The following ZCWPW2 variants were observed in gnomAD, a reference collection of about 807,000 sequenced individuals.
The protein encoded by ZCWPW2 is zinc finger CW-type and PWWP domain containing 2.
A neutral mutation model predicts 46.6 loss-of-function variants in ZCWPW2; 45 were observed. The ratio of observed to expected loss-of-function variants is 0.96; its 90% CI spans 0.76 to 1.24. ZCWPW2 has a LOEUF of 1.24. Ranked by LOEUF, ZCWPW2 falls within the 50% of genes most tolerant of loss-of-function variation. The pLI is 0.00. For missense variants in ZCWPW2, 429 were observed against 403.9 expected (o/e 1.06, Z -0.53); for synonymous variants, 152 against 137.1 (o/e 1.11, Z -0.76).
intron 6 of ZCWPW2, among the ~76,000 whole-genome samples, chr3:28,498,202 T>C (rs965945135): frequency 6.6e-6 from 1 of 150,526 alleles, no homozygotes; most frequent in Non-Finnish European, 1.5e-5. Context: ...TGAATAGATA[T>C]GTACATGTAT....
At position 28,489,023 on chromosome 3, in the gene ZCWPW2, T is replaced by C. The variant is rs192599239; in HGVS notation, c.611-3104T>C. Among the ~76,000 whole-genome samples, 69 of 152,294 alleles carry C rather than the reference T, an allele frequency of 4.5e-4. 1 individual carries two copies. The highest frequency in any genetic ancestry group is 1.6e-3 in the African/African-American group (68 of 41,578). ...ACGTGGTTGTTGATATTCCCCAAGA[T>C]ACTCTACTTTTATTGGAAGATGGTT... On this transcript the variant is annotated intron_variant, in intron 5 of 9. Transcript: ENST00000383768.
chr3:28,462,259 TG>T (rs1698668152), intron 4 of ZCWPW2, among the ~76,000 whole-genome samples: 1 of 152,164 alleles, frequency 6.6e-6, no homozygotes, highest in East Asian at 1.9e-4. Flanking sequence ...GGCAGTACCC[TG>T]AAGAAGAATA....
chr3:28,492,212 A>C (rs1389225413), intron 6 of ZCWPW2, 39 bp downstream of exon 6: 3 of 1,524,994 alleles, frequency 2.0e-6, no homozygotes, highest in African/African-American at 2.8e-5. Context: ...TACAAACTTC[A>C]AATTTCATTT....
rs889183067 is a variant in ZCWPW2 at position 28,487,349 on chromosome 3, C to A, written c.611-4778C>A. Among the ~76,000 whole-genome samples the A allele has an allele frequency of 2.0e-5, 3 of 151,860 alleles. No homozygotes were observed. In the East Asian group the frequency reaches 5.8e-4, roughly 29 times the overall value. On this transcript the variant is annotated intron_variant, in intron 5 of 9. Coordinates refer to ENST00000383768, the MANE Select transcript of ZCWPW2 (RefSeq NM_001040432.4). ...GTTTTGGTGGTTTTTATTGATATATCCTGAAGCTCAAAGATTGTTTTCTCA... is the reference window on the plus strand; with the variant it reads ...GTTTTGGTGGTTTTTATTGATATATACTGAAGCTCAAAGATTGTTTTCTCA...
intron 6 of ZCWPW2, among the ~76,000 whole-genome samples, chr3:28,505,030 A>G (rs1386444232): frequency 6.6e-6 from 1 of 152,202 alleles, no homozygotes; most frequent in Non-Finnish European, 1.5e-5. Flanking sequence ...GCACCAAGTC[A>G]TAGAGCTCCT....
At chr3:28,502,969 C>A (rs371227259) in intron 6 of ZCWPW2, among the ~76,000 whole-genome samples, 15 of 152,180 alleles carry the variant, frequency 9.9e-5, no homozygotes, top group African/African-American at 3.1e-4. Flanking sequence ...AAAAAGCAAA[C>A]CCAAAAGTAT....
intron 6 of ZCWPW2, among the ~76,000 whole-genome samples, chr3:28,499,556 GT>G (rs1700086420): frequency 1.3e-5 from 2 of 152,044 alleles, no homozygotes; most frequent in South Asian, 4.1e-4. Context: ...TTAGCCCTTT[GT>G]CAGATGGATG....
intron 1 of ZCWPW2, among the ~76,000 whole-genome samples, chr3:28,367,061 G>C (rs896354640): frequency 7.2e-5 from 11 of 152,064 alleles, no homozygotes; most frequent in African/African-American, 2.7e-4. Flanking sequence ...CTCGCTAGCA[G>C]TCTATCAATT....
intron 1 of ZCWPW2, among the ~76,000 whole-genome samples, chr3:28,366,094 G>A (rs1365062518): frequency 6.6e-6 from 1 of 151,580 alleles, no homozygotes; most frequent in East Asian, 1.9e-4. Context: ...TGCAAACAGG[G>A]ATAATTTGAC....
intron 1 of ZCWPW2, among the ~76,000 whole-genome samples, chr3:28,389,587 C>T (rs978175136): frequency 6.6e-6 from 1 of 152,046 alleles, no homozygotes; most frequent in Non-Finnish European, 1.5e-5. Context: ...AATCAGAGAC[C>T]AATTACAGAA....
At chr3:28,387,090 C>G (rs1695304510) in intron 1 of ZCWPW2, among the ~76,000 whole-genome samples, 1 of 152,158 alleles carries the variant, frequency 6.6e-6, no homozygotes, top group African/African-American at 2.4e-5. Context: ...ATCTCTGTTG[C>G]TTTTTCTTGG....
chr3:28,412,462 C>A (rs1229852044), intron 2 of ZCWPW2, among the ~76,000 whole-genome samples: 1 of 151,908 alleles, frequency 6.6e-6, no homozygotes, highest in Non-Finnish European at 1.5e-5. Context: ...TTCATTTAGT[C>A]ATGCAATATA....
chr3:28,504,158 C>G (rs1700219068), intron 6 of ZCWPW2, among the ~76,000 whole-genome samples: 1 of 152,068 alleles, frequency 6.6e-6, no homozygotes, highest in African/African-American at 2.4e-5. Flanking sequence ...GATTGCGCCA[C>G]TGCACTCCAG....
chr3:28,454,974 G>T (rs879865068), intron 4 of ZCWPW2, among the ~76,000 whole-genome samples: 1 of 152,090 alleles, frequency 6.6e-6, no homozygotes, highest in Admixed American at 6.6e-5. Context: ...ATAATAGAGT[G>T]TTTTTATTCC....
chr3:28,395,245 A>G (rs1282973907), intron 2 of ZCWPW2, among the ~76,000 whole-genome samples: 1 of 152,140 alleles, frequency 6.6e-6, no homozygotes, highest in Non-Finnish European at 1.5e-5. Context: ...GGCTATTATC[A>G]AAAAAAGCAG....
rs1585210 is a variant in ZCWPW2, at chr3:28,447,333, T to C, written c.492+12064T>C. ...TGGCCAAATAGGATTTATCTTGGAA[T>C]GTAAGAATAGTTCAATATATAAAAA... On this transcript the variant is annotated intron_variant, in intron 4 of 9. Coordinates refer to ENST00000383768, the MANE Select transcript of ZCWPW2 (RefSeq NM_001040432.4). Among the ~76,000 whole-genome samples the C allele has an allele frequency of 2.9e-3, 436 of 152,164 alleles. 5 individuals are homozygous for C. The highest frequency in any genetic ancestry group is 9.8e-3 in the African/African-American group (406 of 41,534).
At chr3:28,358,801 G>T (rs1181396197) in intron 1 of ZCWPW2, among the ~76,000 whole-genome samples, 2 of 151,956 alleles carry the variant, frequency 1.3e-5, no homozygotes, top group East Asian at 3.9e-4. Context: ...GAATATTATG[G>T]TCAGAAGTTG....
In ZCWPW2 at chr3:28,375,590, A is replaced by G. The variant is rs960104050; in HGVS notation, c.-133-14908A>G. ...GCATGTAATCTGAAATAAGCATACC[A>G]TGGAGAATGGGGTATCCATCTCAAG... is the stretch of plus-strand genomic sequence containing the variant. On this transcript the variant is annotated intron_variant, in intron 1 of 9. Transcript: ENST00000383768. Among the ~76,000 whole-genome samples the G allele has an allele frequency of 4.6e-5, 7 of 152,094 alleles. No individual in the cohort carries two copies. In the East Asian group the frequency reaches 9.6e-4, roughly 21 times the overall value.
intron 3 of ZCWPW2, 32 bp downstream of exon 3, chr3:28,413,432 ATGTAGT>A: frequency 6.5e-7 from 1 of 1,538,214 alleles, no homozygotes; most frequent in East Asian, 2.3e-5. Flanking sequence ...GACTTTTGAA[ATGTAGT>A]CTTGCTAGGT....
Sources: allele counts gnomAD v4.1 joint callset (sites outside exome capture counted in the v4.1 genomes callset), GRCh38; gene constraint gnomAD v4.1.1; transcripts MANE v1.5; gene names NCBI Gene and HGNC (gene_info 2026-07-23, HGNC 2026-07-21).